FGD4: variants seen among roughly 807,000 people sequenced by gnomAD.
The protein encoded by FGD4 is FYVE, RhoGEF and PH domain-containing protein 4.
FGD4 carries 42 observed loss-of-function variants against 102.0 expected under a neutral mutation model. The ratio of observed to expected loss-of-function variants is 0.41; its 90% confidence interval spans 0.32 to 0.53. The LOEUF (loss-of-function observed/expected upper bound fraction) is 0.53. Among genes scored for constraint, FGD4 ranks in the 20% least tolerant of loss-of-function variants. The pLI is 0.21. For missense variants in FGD4, 902 were observed against 1,078.2 expected (o/e 0.84, Z 2.29); for synonymous variants, 380 against 375.7 (o/e 1.01, Z -0.13).
At chr12:32,565,249 A>G (rs1211978438) in intron 2 of FGD4, among the ~76,000 whole-genome samples, 1 of 152,202 alleles carries the variant, frequency 6.6e-6, no homozygotes, top group African/African-American at 2.4e-5. Context: ...TTTAAAATGA[A>G]TCTTCTAGAT....
At chr12:32,612,462 G>A (rs1214722620) in intron 10 of FGD4, among the ~76,000 whole-genome samples, 1 of 152,196 alleles carries the variant, frequency 6.6e-6, no homozygotes, top group Non-Finnish European at 1.5e-5. Flanking sequence ...AGGAGCCACT[G>A]GCCACAAAGG....
chr12:32,608,235 A>G, intron 8 of FGD4, 140 bp downstream of exon 8: 2 of 1,191,344 alleles, frequency 1.7e-6, no homozygotes, highest in East Asian at 4.7e-5. Context: ...GGAAATTGTT[A>G]TCATCACTTC....
intron 1 of FGD4, among the ~76,000 whole-genome samples, chr12:32,488,535 AT>A (rs1265573212): frequency 1.4e-5 from 2 of 147,368 alleles, no homozygotes; most frequent in African/African-American, 2.4e-5. Context: ...TTGACCCATT[AT>A]TTGTGTTCCC....
chr12:32,501,223 T>A (rs1036620806), intron 1 of FGD4, among the ~76,000 whole-genome samples: 7 of 152,210 alleles, frequency 4.6e-5, no homozygotes, highest in African/African-American at 1.7e-4. Flanking sequence ...GGCTAATTTT[T>A]AAAAAAATTT....
At chr12:32,623,099 T>G (rs1159329944) in intron 11 of FGD4, among the ~76,000 whole-genome samples, 1 of 148,286 alleles carries the variant, frequency 6.7e-6, no homozygotes, top group Non-Finnish European at 1.5e-5. Context: ...CATTTGTGCT[T>G]CTTCTACTTT....
intron 1 of FGD4, among the ~76,000 whole-genome samples, chr12:32,550,037 G>A (rs904208297): frequency 2.0e-5 from 3 of 152,260 alleles, no homozygotes; most frequent in East Asian, 1.9e-4. Context: ...GTCGGCTGGG[G>A]ATGAATGTGG....
chr12:32,573,181 C>T (rs1008737440), intron 2 of FGD4, among the ~76,000 whole-genome samples: 9 of 152,248 alleles, frequency 5.9e-5, no homozygotes, highest in Middle Eastern at 6.8e-3. Context: ...CTGGAAGCTC[C>T]GCCTCCCGGG....
intron 1 of FGD4, among the ~76,000 whole-genome samples, chr12:32,538,964 G>A (rs1039819738): frequency 6.6e-6 from 1 of 152,120 alleles, no homozygotes; most frequent in African/African-American, 2.4e-5. Flanking sequence ...TGAGGCAGGA[G>A]AATTGCTTGA....
chr12:32,467,470 T>A (rs376636328), intron 1 of FGD4, among the ~76,000 whole-genome samples: 2 of 152,160 alleles, frequency 1.3e-5, no homozygotes, highest in Admixed American at 1.3e-4. Context: ...AATAAATAAA[T>A]AAAACGTAAT....
intron 1 of FGD4, 107 bp from the exon 2 acceptor site, chr12:32,564,029 GA>G: frequency 1.0e-6 from 1 of 1,000,176 alleles, no homozygotes; most frequent in African/African-American, 1.7e-5. Context: ...GAGGGAGAGG[GA>G]GGGGGAGGGG....
At chr12:32,514,210 GTCAA>G (rs1298847683) in intron 1 of FGD4, among the ~76,000 whole-genome samples, 1 of 152,176 alleles carries the variant, frequency 6.6e-6, no homozygotes, top group Non-Finnish European at 1.5e-5. Flanking sequence ...ATGTTATCCA[GTCAA>G]TCAGTTTGTT....
chr12:32,530,203 C>T (rs563566714), intron 1 of FGD4, among the ~76,000 whole-genome samples: 1 of 152,086 alleles, frequency 6.6e-6, no homozygotes, highest in East Asian at 1.9e-4. Context: ...ATCATGTGGG[C>T]TGGGCATGGT....
chr12:32,604,488 T>C (rs1425415291), intron 7 of FGD4, among the ~76,000 whole-genome samples: 1 of 152,196 alleles, frequency 6.6e-6, no homozygotes, highest in East Asian at 1.9e-4. Flanking sequence ...TTTCTTCAAG[T>C]TCCCTGATTC....
chr12:32,440,437 C>T (rs1457202806), intron 1 of FGD4, among the ~76,000 whole-genome samples: 4 of 152,194 alleles, frequency 2.6e-5, no homozygotes, highest in South Asian at 4.1e-4. Context: ...GGACAAGATT[C>T]GGCAAAATTA....
intron 1 of FGD4, among the ~76,000 whole-genome samples, chr12:32,515,865 A>G (rs1245995362): frequency 6.6e-6 from 1 of 152,254 alleles, no homozygotes; most frequent in Non-Finnish European, 1.5e-5. Context: ...AAAATCCCAC[A>G]GAGGAAGATA....
intron 1 of FGD4, among the ~76,000 whole-genome samples, chr12:32,504,539 G>T (rs10771962): frequency 0.28 from 42,223 of 152,094 alleles, 6,484 homozygotes; most frequent in Middle Eastern, 0.45. Context: ...ACTTGTGGGG[G>T]TGAAGAGAGG....
At chr12:32,468,530 G>A (rs1047291534) in intron 1 of FGD4, among the ~76,000 whole-genome samples, 3 of 152,100 alleles carry the variant, frequency 2.0e-5, no homozygotes, top group Admixed American at 6.5e-5. Context: ...GGATCTGTGT[G>A]CCTTTACGTT....
At chr12:32,405,328 C>G (rs182278471) in intron 1 of FGD4, among the ~76,000 whole-genome samples, 7 of 144,346 alleles carry the variant, frequency 4.8e-5, no homozygotes, top group Non-Finnish European at 8.9e-5. Flanking sequence ...GGAGTGAACT[C>G]GGCTCACCAC....
At chr12:32,624,834 G>A in intron 12 of FGD4, 142 bp from the exon 13 acceptor site, 1 of 736,594 alleles carries the variant, frequency 1.4e-6, no homozygotes, top group Non-Finnish European at 2.4e-6. Flanking sequence ...ATATTGTTGT[G>A]TGTGTTTTAA....
Sources: gnomAD v4.1 joint callset for allele counts (sites outside exome capture counted in the v4.1 genomes callset) on GRCh38, gnomAD v4.1.1 for gene constraint, MANE v1.5 for transcripts, NCBI Gene and HGNC (gene_info 2026-07-23, HGNC 2026-07-21) for gene names.